Variants in TIAM2 observed in about 807,000 individuals in gnomAD.
TIAM2 encodes the protein TIAM Rac1 associated GEF 2, also known as rho guanine nucleotide exchange factor TIAM2.
Under a neutral mutation model 152.9 loss-of-function variants are expected in TIAM2, and 80 were observed. The observed-to-expected ratio is 0.52, with a 90% CI of 0.44 to 0.63. The LOEUF (loss-of-function observed/expected upper bound fraction) is 0.63, where lower values mean the gene tolerates loss of function less well. TIAM2 is among the 30% of genes least tolerant of loss of function. TIAM2 has a pLI of 0.00. For synonymous variants in TIAM2, 804 were observed against 838.0 expected, an observed-to-expected ratio of 0.96 and a Z score of 0.70; for missense variants, 1,965 against 2,120.1, an observed-to-expected ratio of 0.93 and a Z score of 1.44.
rs369115496 is a variant in TIAM2, at chr6:155,137,186, T to C, written c.1204T>C (p.Ser402Pro). The C allele has an allele frequency of 1.9e-6, 3 of 1,612,086 alleles. No individual in the cohort carries two copies. In the African/African-American group the frequency reaches 4.0e-5, roughly 22 times the overall value. ...TGTGTGTTTCTCACAGGAGCCGAGG[T>C]CCAAGGAGGGCAGTGACTACTTTGA... ...RKKRKLQEPR[S>P]KEGSDYFDSR... Residue 402 changes from serine to proline, a missense_variant, in exon 5 of 27, where the codon TCC becomes CCC. Around this residue, in one of 3 missense-constraint regions of TIAM2, gnomAD observed 1,025 missense variants for 1,119.4 expected, o/e 0.92. Transcript: ENST00000682666.
intron 9 of TIAM2, chr6:155,168,947 G>A (rs2115109013): frequency 1.4e-6 from 2 of 1,479,630 alleles, no homozygotes; most frequent in East Asian, 4.9e-5. Flanking sequence ...CCGCCATCTT[G>A]TTTTACATGA....
intron 16 of TIAM2, among the ~76,000 whole-genome samples, chr6:155,242,659 T>G (rs1783100118): frequency 6.6e-6 from 1 of 152,228 alleles, no homozygotes; most frequent in Non-Finnish European, 1.5e-5. Context: ...TTCTAGTATT[T>G]TAGGACTCAA....
intron 5 of TIAM2, 75 bp from the exon 6 acceptor site, chr6:155,144,531 T>G: frequency 7.2e-7 from 1 of 1,381,830 alleles, no homozygotes; most frequent in Non-Finnish European, 9.4e-7. Flanking sequence ...TAAAAAAGTG[T>G]GTCACTTACC....
At chr6:155,114,545 A>G (rs1778966998) in intron 2 of TIAM2, among the ~76,000 whole-genome samples, 2 of 152,132 alleles carry the variant, frequency 1.3e-5, no homozygotes, top group Non-Finnish European at 2.9e-5. Context: ...ATTATTATTG[A>G]AGACAATTAC....
chr6:155,124,652 G>A (rs113413380), intron 2 of TIAM2, among the ~76,000 whole-genome samples: 3,722 of 152,196 alleles, frequency 0.024, 70 homozygotes, highest in African/African-American at 0.052. Flanking sequence ...TTTAAAAGGT[G>A]GGGTTCTTGT....
intron 14 of TIAM2, among the ~76,000 whole-genome samples, chr6:155,192,432 C>T (rs531167837): frequency 1.3e-5 from 2 of 152,142 alleles, no homozygotes; most frequent in Non-Finnish European, 2.9e-5. Flanking sequence ...TTGGACTTGT[C>T]GGTCTCTTTC....
chr6:155,026,475 C>T (rs1161193477), intron 1 of TIAM2, among the ~76,000 whole-genome samples: 3 of 152,184 alleles, frequency 2.0e-5, no homozygotes, highest in African/African-American at 7.2e-5. Context: ...CTTTGCAAAA[C>T]TCACTGTGGT....
Position 155,154,922 on chromosome 6 carries a change from G to C in TIAM2, c.2028+6588G>C, listed in dbSNP as rs1470802974. On this transcript the variant is annotated intron_variant, in intron 7 of 26. Coordinates refer to ENST00000682666, the MANE Select transcript of TIAM2 (RefSeq NM_012454.4). ...TTGGACAATTGGCAACTGGTGAAGA[G>C]AACAATGAGAACAAGGCTTTGAGGA... is the stretch of plus-strand genomic sequence containing the variant. Among the ~76,000 whole-genome samples, 4 of 152,182 alleles carry C rather than the reference G, an allele frequency of 2.6e-5. No homozygotes were observed. In the East Asian group the frequency reaches 7.7e-4, roughly 29 times the overall value.
At chr6:155,065,098 C>T (rs1317403756) in intron 1 of TIAM2, among the ~76,000 whole-genome samples, 2 of 152,086 alleles carry the variant, frequency 1.3e-5, no homozygotes, top group African/African-American at 4.8e-5. Flanking sequence ...GGACTACAGG[C>T]ACCCGACACC....
intron 7 of TIAM2, among the ~76,000 whole-genome samples, chr6:155,161,568 C>A (rs1427859281): frequency 1.5e-5 from 2 of 137,552 alleles, no homozygotes; most frequent in East Asian, 4.1e-4. Context: ...TTTATTTTGT[C>A]TTTTTTTTTT....
intron 1 of TIAM2, among the ~76,000 whole-genome samples, chr6:155,000,071 G>T (rs558533209): frequency 6.6e-6 from 1 of 152,324 alleles, no homozygotes; most frequent in South Asian, 2.1e-4. Flanking sequence ...TGAACAGTAA[G>T]AGGAGTTAGA....
chr6:155,239,364 A>G (rs1186007726), intron 15 of TIAM2, among the ~76,000 whole-genome samples: 1 of 152,154 alleles, frequency 6.6e-6, no homozygotes, highest in African/African-American at 2.4e-5. Context: ...CTGGCCAGTG[A>G]GCTGGCTGCT....
chr6:155,140,013 C>A (rs1583210874), intron 5 of TIAM2, among the ~76,000 whole-genome samples: 5 of 152,248 alleles, frequency 3.3e-5, no homozygotes, highest in African/African-American at 9.6e-5. Context: ...AATTTGCAGG[C>A]CATGTGTTTC....
chr6:155,138,603 A>G (rs930813360), intron 5 of TIAM2, among the ~76,000 whole-genome samples: 2 of 151,938 alleles, frequency 1.3e-5, no homozygotes, highest in Non-Finnish European at 2.9e-5. Context: ...ATCCCTCAAC[A>G]GGCCCCAGTT....
At chr6:155,189,505 G>C (rs1781139847) in intron 14 of TIAM2, among the ~76,000 whole-genome samples, 1 of 152,086 alleles carries the variant, frequency 6.6e-6, no homozygotes, top group East Asian at 1.9e-4. Flanking sequence ...CTTTCTTTTA[G>C]TGGTGGAAAA....
chr6:155,055,620 G>A (rs1777428078), intron 1 of TIAM2, among the ~76,000 whole-genome samples: 1 of 152,074 alleles, frequency 6.6e-6, no homozygotes. Context: ...AAAAATTGGC[G>A]AGTGTTAATG....
At position 155,029,463 on chromosome 6, in the gene TIAM2, A is replaced by ACT. The variant is rs1381477821; in HGVS notation, c.-209+33971_-209+33972insCT. Among the ~76,000 whole-genome samples, 11 of 52,830 alleles carry ACT rather than the reference A, an allele frequency of 2.1e-4. 3 individuals carry two copies. The highest frequency in any genetic ancestry group is 3.6e-4 in the Non-Finnish European group (11 of 30,280). The allele number at this position is 52,830 out of a possible 152,430, so 34.7% of individuals were successfully genotyped here. A position where few individuals can be genotyped will look rare whatever the true frequency, so the allele number is the denominator to read the frequency against. On this transcript the variant is annotated intron_variant, in intron 1 of 26. Transcript: ENST00000682666. ...TTATACTATAGTATATATTATATAT[A>ACT]ATATATACTATAGTATATATACTAT...
chr6:155,106,937 A>G (rs749172700), intron 2 of TIAM2, among the ~76,000 whole-genome samples: 5 of 152,192 alleles, frequency 3.3e-5, no homozygotes, highest in Non-Finnish European at 7.3e-5. Flanking sequence ...ATTGAACATG[A>G]TGAGGGTGTG....
At chr6:155,240,023 C>T (rs1291264089) in intron 15 of TIAM2, among the ~76,000 whole-genome samples, 6 of 152,252 alleles carry the variant, frequency 3.9e-5, no homozygotes, top group Admixed American at 6.5e-5. Context: ...GAGGGCAGAA[C>T]TCCTGGCCCA....
Sources: allele counts gnomAD v4.1 joint callset (sites outside exome capture counted in the v4.1 genomes callset), GRCh38; gene constraint gnomAD v4.1.1; regional missense constraint gnomAD v4.1.1; transcripts MANE v1.5; gene names NCBI Gene and HGNC (gene_info 2026-07-23, HGNC 2026-07-21).